PCM1: variants seen among roughly 807,000 people sequenced by gnomAD.
PCM1 encodes pericentriolar material 1.
A neutral mutation model predicts 241.9 loss-of-function variants in PCM1; 157 were observed. That is an observed-to-expected ratio of 0.65 (90% CI 0.57 to 0.74). The LOEUF is 0.74. PCM1 is among the 30% of genes least tolerant of loss of function. The pLI, the probability that PCM1 is intolerant of heterozygous loss-of-function variation, is 0.00. For synonymous variants in PCM1, 1,085 were observed against 784.9 expected (o/e 1.38, Z -6.39); for missense variants, 3,478 against 2,360.1 (o/e 1.47, Z -9.81).
At chr8:17,948,031 A>G (rs2064478655) in intron 7 of PCM1, among the ~76,000 whole-genome samples, 1 of 152,144 alleles carries the variant, frequency 6.6e-6, no homozygotes, top group Admixed American at 6.5e-5. Flanking sequence ...AAATTGCAAA[A>G]AAAGATGATT....
intron 2 of PCM1, chr8:17,925,139 C>A (rs575208497): frequency 6.6e-6 from 1 of 152,340 alleles, no homozygotes; most frequent in Admixed American, 6.5e-5. Flanking sequence ...CTACAACATT[C>A]CTATTAATTG....
chr8:17,985,395 G>A, intron 24 of PCM1, 52 bp from the exon 25 acceptor site: 3 of 1,245,928 alleles, frequency 2.4e-6, no homozygotes, highest in East Asian at 2.6e-5. Context: ...AATAAAAGTT[G>A]TCATGAAGGT....
intron 38 of PCM1, 70 bp from the exon 39 acceptor site, chr8:18,027,567 G>T: frequency 9.1e-7 from 1 of 1,096,734 alleles, no homozygotes; most frequent in South Asian, 1.6e-5. Flanking sequence ...AAGCTTTAAT[G>T]ACAGAGAACA....
rs1197174186 is a variant in PCM1, at chr8:17,938,998, G to C, written c.601G>C (p.Glu201Gln). 3.7e-6 allele frequency: 6 copies of C among 1,613,482 alleles called. No individual in the cohort carries two copies. In the African/African-American group the frequency reaches 4.0e-5, roughly 11 times the overall value. ...AGATGGGAGGGGAGAACCTGCAATG[G>C]AGAGCAGCCAGGTGATAACGTTTGT... ...EEDGRGEPAMESSQIVSRLVQ... is the reference protein window; with the variant it reads ...EEDGRGEPAMQSSQIVSRLVQ... Residue 201 changes from glutamate to glutamine, a missense_variant, in exon 5 of 39, where the codon GAG (glutamate) becomes CAG (glutamine). Glu to Gln is a conservative substitution (Grantham distance 29). Coordinates refer to ENST00000325083, the MANE Select transcript of PCM1 (RefSeq NM_006197.4).
intron 21 of PCM1, chr8:17,969,296 T>A (rs2076087825): frequency 3.6e-6 from 1 of 278,836 alleles, no homozygotes; most frequent in South Asian, 5.8e-5. Flanking sequence ...GTGCCTGCAG[T>A]AGAGTGTGTC....
intron 20 of PCM1, among the ~76,000 whole-genome samples, 171 bp downstream of exon 20, chr8:17,966,644 G>A (rs1358612584): frequency 6.6e-6 from 1 of 152,068 alleles, no homozygotes; most frequent in Non-Finnish European, 1.5e-5. Context: ...TTAATACCAT[G>A]GATTTCTGTT....
At chr8:18,025,323 A>G in intron 36 of PCM1, 38 bp from the exon 37 acceptor site, 1 of 1,073,996 alleles carries the variant, frequency 9.3e-7, no homozygotes, top group Non-Finnish European at 1.4e-6. Flanking sequence ...ACTGGTTTGG[A>G]TCTAGAGTAT....
chr8:17,933,667 A>G (rs978396197), intron 2 of PCM1, among the ~76,000 whole-genome samples: 2 of 152,182 alleles, frequency 1.3e-5, no homozygotes, highest in Non-Finnish European at 2.9e-5. Context: ...ATTTGTCACT[A>G]TTATAAGTAG....
intron 29 of PCM1, among the ~76,000 whole-genome samples, chr8:18,003,888 A>C (rs114030360): frequency 1.7e-3 from 262 of 152,222 alleles, no homozygotes; most frequent in African/African-American, 5.9e-3. Context: ...TTTCTTAGTT[A>C]ATGCTTGCTT....
chr8:17,950,218 C>T (rs989412831), intron 7 of PCM1, among the ~76,000 whole-genome samples: 2 of 152,160 alleles, frequency 1.3e-5, no homozygotes, highest in Admixed American at 6.5e-5. Flanking sequence ...GCCCCTCTAC[C>T]GGAGAATTGA....
intron 17 of PCM1, among the ~76,000 whole-genome samples, chr8:17,964,069 T>A (rs937056106): frequency 3.9e-5 from 6 of 152,212 alleles, no homozygotes; most frequent in Non-Finnish European, 8.8e-5. Context: ...TTGGTCTGGA[T>A]TTTTGCTGTC....
rs2069210124 is a variant in PCM1 at position 17,957,634 on chromosome 8, C to T, written c.1899C>T (p.Val633=). The change falls in exon 13 of 39, where the codon GTC becomes GTT. Residue 633 remains valine, a synonymous_variant. Transcript: ENST00000325083. ...EEEEEAEEEG[V]SGASLSSHRS... is the part of the protein sequence containing the mutation. Reference sequence around the variant, plus strand: ...AGGAAGAAGCAGAAGAGGAGGGAGTCAGTGGAGCTTCATTATCTAGTCACA... The same window carrying T: ...AGGAAGAAGCAGAAGAGGAGGGAGTTAGTGGAGCTTCATTATCTAGTCACA... The T allele has an allele frequency of 2.5e-6, 4 of 1,588,248 alleles. No homozygotes were observed. The highest frequency in any genetic ancestry group is 2.7e-5 in the African/African-American group (2 of 74,318).
At chr8:17,953,604 A>C (rs555641047) in intron 9 of PCM1, among the ~76,000 whole-genome samples, 2 of 152,232 alleles carry the variant, frequency 1.3e-5, no homozygotes, top group East Asian at 3.8e-4. Context: ...ACAAAAAACA[A>C]AACTATGAAA....
Position 17,966,162 on chromosome 8 carries a change from A to G in PCM1, c.3019A>G (p.Lys1007Glu). ...ATGGCAAGAACAAATCAATCAGCTA[A>G]AGAAACAGCTTGATTTTAGTGTCAG... The part of the protein sequence containing the change: ...EQWQEQINQL[K>E]KQLDFSVSIC... Residue 1007 changes from lysine (K) to glutamate (E), a missense_variant, in exon 19 of 39, where the codon AAG becomes GAG. Coordinates refer to ENST00000325083, the MANE Select transcript of PCM1 (RefSeq NM_006197.4). 6.2e-7 allele frequency: 1 copy of G among 1,614,000 alleles called. No individual in the cohort carries two copies. Among genetic ancestry groups the G allele is most frequent in the Non-Finnish European group, 8.5e-7 (1 of 1,179,876 alleles).
intron 29 of PCM1, among the ~76,000 whole-genome samples, chr8:18,002,675 G>C (rs1257072215): frequency 1.2e-5 from 1 of 81,216 alleles, no homozygotes; most frequent in Non-Finnish European, 2.3e-5. Context: ...GGTTGAACTA[G>C]TTGACAGTCC....
chr8:17,970,545 T>G (rs1188752717), intron 22 of PCM1, among the ~76,000 whole-genome samples: 3 of 152,080 alleles, frequency 2.0e-5, no homozygotes, highest in African/African-American at 4.8e-5. Context: ...TTTTTTTGGT[T>G]GTTCTATCTT....
chr8:18,011,771 C>T lies in PCM1; in HGVS notation c.5455C>T (p.Gln1819Ter). Reference sequence around the variant, plus strand: ...ATTTGAAGAAGGCCCTGTGGATGTCCAGACTTCCCTCCAGGCTAACACTGA... The same window carrying T: ...ATTTGAAGAAGGCCCTGTGGATGTCTAGACTTCCCTCCAGGCTAACACTGA... ...EEFEEGPVDV[Q>*]TSLQANTEAT... is the part of the protein sequence containing the mutation. The change falls in exon 34 of 39, where the codon CAG (glutamine) becomes TAG (stop). Residue 1819 changes from glutamine (Q) to a stop codon, truncating the protein, a stop_gained. Transcript: ENST00000325083. LOFTEE classifies it high-confidence loss of function. The T allele has an allele frequency of 2.5e-6, 4 of 1,613,640 alleles. No homozygotes were observed. The highest frequency in any genetic ancestry group is 3.4e-6 in the Non-Finnish European group (4 of 1,179,746).
At position 17,934,822 on chromosome 8, in the gene PCM1, A is replaced by C. The variant is rs1240756857; in HGVS notation, c.-22-767A>C. 3 of 152,092 alleles carry C rather than the reference A, an allele frequency of 2.0e-5. No individual in the cohort carries two copies. The East Asian group carries it at 5.8e-4, about 29-fold the overall frequency. The allele number at this position is 152,092 out of a possible 1,614,324, so 9.4% of individuals were successfully genotyped here. On this transcript the variant is annotated intron_variant, in intron 2 of 38. Transcript: ENST00000325083. ...TCTCTGCCTTTGAACCTCTACTTCC[A>C]CCATTGCTGCTGCTTTTTCTCATCT...
rs182201085 is a variant in PCM1, at chr8:17,924,793, T to G, written c.-23+13T>G. The G allele has an allele frequency of 6.6e-6, 1 of 152,302 alleles. No individual in the cohort carries two copies. Among genetic ancestry groups the G allele is most frequent in the African/African-American group, 2.4e-5 (1 of 41,552 alleles). 9.4% of individuals were successfully genotyped at this position (152,302 alleles called of 1,614,324 possible). A position where few individuals can be genotyped will look rare whatever the true frequency, so the allele number is the denominator to read the frequency against. Reference sequence around the variant, plus strand: ...AGTTTCTAAACAGGTAATTTGACATTATTATCTGTATTATCCTTTGTATTA... The same window carrying G: ...AGTTTCTAAACAGGTAATTTGACATGATTATCTGTATTATCCTTTGTATTA... On this transcript the variant is annotated intron_variant, in intron 2 of 38. Transcript: ENST00000325083.
Sources: allele counts gnomAD v4.1 joint callset (sites outside exome capture counted in the v4.1 genomes callset), GRCh38; gene constraint gnomAD v4.1.1; transcripts MANE v1.5; gene names NCBI Gene and HGNC (gene_info 2026-07-23, HGNC 2026-07-21).